CCDC102B: variants seen among roughly 807,000 people sequenced by gnomAD.
CCDC102B encodes the protein coiled-coil domain-containing protein 102B.
A neutral mutation model predicts 57.4 loss-of-function variants in CCDC102B; 75 were observed. That is an observed-to-expected ratio of 1.31 (90% CI 1.08 to 1.58). The LOEUF (loss-of-function observed/expected upper bound fraction) is 1.58. CCDC102B is among the 40% of genes most tolerant of loss of function. The probability of loss-of-function intolerance (pLI) is 0.00; values close to 1 mark genes in which losing one functional copy is unlikely to be tolerated. For missense variants in CCDC102B, 636 were observed against 582.6 expected (o/e 1.09, Z -0.94); for synonymous variants, 206 against 201.9 (o/e 1.02, Z -0.17).
At chr18:68,765,816 A>C (rs1434263039) in intron 2 of CCDC102B, among the ~76,000 whole-genome samples, 1 of 152,082 alleles carries the variant, frequency 6.6e-6, no homozygotes, top group Non-Finnish European at 1.5e-5. Flanking sequence ...ACTTATTCTG[A>C]TGTAACTCAT....
intron 6 of CCDC102B, among the ~76,000 whole-genome samples, chr18:68,954,355 G>T (rs1017639874): frequency 1.3e-5 from 2 of 152,146 alleles, no homozygotes; most frequent in Non-Finnish European, 2.9e-5. Context: ...GAGAGGCAGA[G>T]GTTGTAGTGA....
chr18:68,924,381 A>C (rs1376119737), intron 6 of CCDC102B, among the ~76,000 whole-genome samples: 1 of 151,966 alleles, frequency 6.6e-6, no homozygotes, highest in East Asian at 2.0e-4. Flanking sequence ...TTTTCCCCCT[A>C]CCTCCACCAT....
intron 6 of CCDC102B, among the ~76,000 whole-genome samples, chr18:68,975,748 T>C (rs1168600826): frequency 6.6e-6 from 1 of 151,866 alleles, no homozygotes; most frequent in East Asian, 1.9e-4. Flanking sequence ...TCAGGGGTCA[T>C]TGCACAAACG....
At chr18:69,045,660 A>G (rs1450171780) in intron 7 of CCDC102B, among the ~76,000 whole-genome samples, 3 of 152,096 alleles carry the variant, frequency 2.0e-5, no homozygotes, top group Non-Finnish European at 4.4e-5. Flanking sequence ...GGTAAACTGC[A>G]TGTCACAGGG....
chr18:69,040,402 GTGTGTGTGTGTGTGTGTA>G (rs1265056749), intron 7 of CCDC102B, among the ~76,000 whole-genome samples: 301 of 20,264 alleles, frequency 0.015, 5 homozygotes, highest in South Asian at 0.047. Flanking sequence ...GTGTGTGTGT[GTGTGTGTGTGTGTGTGTA>G]TGTGTGTGTG....
intron 3 of CCDC102B, among the ~76,000 whole-genome samples, chr18:68,839,731 G>A (rs964375808): frequency 6.6e-6 from 1 of 152,106 alleles, no homozygotes; most frequent in Non-Finnish European, 1.5e-5. Flanking sequence ...CTGCACTGGG[G>A]CTATTTAAGG....
intron 1 of CCDC102B, among the ~76,000 whole-genome samples, chr18:68,835,817 C>G (rs1180596372): frequency 6.6e-6 from 1 of 152,148 alleles, no homozygotes; most frequent in Non-Finnish European, 1.5e-5. Context: ...ACACGGAAGG[C>G]AGAGGAAAGA....
intron 4 of CCDC102B, among the ~76,000 whole-genome samples, chr18:68,857,188 T>A (rs1305292130): frequency 1.6e-5 from 1 of 63,090 alleles, no homozygotes; most frequent in African/African-American, 8.1e-5. Flanking sequence ...AAAATATATT[T>A]ATATATTTTT....
At chr18:69,036,373 A>C (rs937743522) in intron 7 of CCDC102B, among the ~76,000 whole-genome samples, 9 of 152,212 alleles carry the variant, frequency 5.9e-5, no homozygotes, top group South Asian at 4.1e-4. Flanking sequence ...TTGAGATCTA[A>C]ATTTTTGGGA....
upstream of CCDC102B, chr18:68,715,219 A>G (rs2031862442): frequency 7.3e-7 from 1 of 1,371,148 alleles, no homozygotes; most frequent in Non-Finnish European, 9.4e-7. Context: ...ATGTCTTAAG[A>G]ATCCTTTGCG....
chr18:68,730,720 T>C (rs188682482), intron 2 of CCDC102B, among the ~76,000 whole-genome samples: 30 of 152,354 alleles, frequency 2.0e-4, no homozygotes, highest in African/African-American at 6.3e-4. Context: ...AGATTGGTTA[T>C]GGATGTCTCA....
chr18:68,827,620 A>T lies in CCDC102B; in HGVS notation c.-15-9129A>T, dbSNP rs200127305. On this transcript the variant is annotated intron_variant, in intron 1 of 7. Transcript: ENST00000360242. Reference sequence around the variant, plus strand: ...AGAGGACACAAAGAAAACAAATTATAAAATGGCAGATATAAGTTCTAACAC... The same window carrying T: ...AGAGGACACAAAGAAAACAAATTATTAAATGGCAGATATAAGTTCTAACAC... Among the ~76,000 whole-genome samples the T allele has an allele frequency of 2.4e-3, 371 of 152,204 alleles. 2 individuals carry two copies. The East Asian group carries it at 0.045, about 18-fold the overall frequency.
At chr18:68,738,572 A>G (rs1487504365) in intron 2 of CCDC102B, among the ~76,000 whole-genome samples, 1 of 152,170 alleles carries the variant, frequency 6.6e-6, no homozygotes, top group Admixed American at 6.5e-5. Flanking sequence ...CCCTTTGCCA[A>G]AAGAATCTCT....
intron 4 of CCDC102B, among the ~76,000 whole-genome samples, chr18:68,871,125 A>G (rs1372527154): frequency 6.6e-6 from 1 of 152,188 alleles, no homozygotes; most frequent in Non-Finnish European, 1.5e-5. Context: ...ATAAACACGC[A>G]GTACAAACAG....
intron 7 of CCDC102B, among the ~76,000 whole-genome samples, chr18:69,028,291 G>A (rs1052422365): frequency 1.1e-4 from 17 of 152,140 alleles, no homozygotes; most frequent in African/African-American, 3.9e-4. Flanking sequence ...ATCTGTGAAG[G>A]CTAAAATATG....
At chr18:68,831,839 A>G (rs965722003) in intron 1 of CCDC102B, among the ~76,000 whole-genome samples, 2 of 152,138 alleles carry the variant, frequency 1.3e-5, no homozygotes, top group Non-Finnish European at 2.9e-5. Flanking sequence ...AAGTTCATAT[A>G]TATGTATATA....
chr18:68,892,914 G>T (rs2145001413), intron 5 of CCDC102B, among the ~76,000 whole-genome samples: 1 of 152,308 alleles, frequency 6.6e-6, no homozygotes, highest in South Asian at 2.1e-4. Context: ...CAATTACAGG[G>T]AGTGTAGTTG....
At chr18:68,888,670 G>T (rs2039971316) in intron 5 of CCDC102B, among the ~76,000 whole-genome samples, 1 of 152,072 alleles carries the variant, frequency 6.6e-6, no homozygotes, top group Admixed American at 6.6e-5. Context: ...CTAGACTCAG[G>T]TTAACATATT....
At chr18:68,959,643 G>C (rs1296717020) in intron 6 of CCDC102B, among the ~76,000 whole-genome samples, 5 of 151,998 alleles carry the variant, frequency 3.3e-5, no homozygotes, top group African/African-American at 4.8e-5. Flanking sequence ...CGGAAGCCAG[G>C]GGCAGCCAGT....
Sources: gnomAD v4.1 joint callset for allele counts (sites outside exome capture counted in the v4.1 genomes callset) on GRCh38, gnomAD v4.1.1 for gene constraint, MANE v1.5 for transcripts, NCBI Gene and HGNC (gene_info 2026-07-23, HGNC 2026-07-21) for gene names.